NNT: variants seen among roughly 807,000 people sequenced by gnomAD.
NNT encodes the protein NAD(P) transhydrogenase, mitochondrial.
Under a neutral mutation model 104.8 loss-of-function variants are expected in NNT, and 50 were observed. The ratio of observed to expected loss-of-function variants is 0.48; its 90% CI spans 0.38 to 0.60. NNT has a LOEUF of 0.60. NNT is among the 20% of genes least tolerant of loss of function. NNT has a pLI of 0.00. For synonymous variants in NNT, 461 were observed against 490.4 expected, an observed-to-expected ratio of 0.94 and a Z score of 0.79; for missense variants, 1,131 against 1,330.7, an observed-to-expected ratio of 0.85 and a Z score of 2.33.
At chr5:43,607,894 G>T (rs1579964350) in intron 1 of NNT, among the ~76,000 whole-genome samples, 1 of 152,060 alleles carries the variant, frequency 6.6e-6, no homozygotes, top group African/African-American at 2.4e-5. Flanking sequence ...AGTGTTAGCT[G>T]AGTTTGGCTG....
At chr5:43,671,306 G>T (rs1418607278) in intron 17 of NNT, among the ~76,000 whole-genome samples, 2 of 152,174 alleles carry the variant, frequency 1.3e-5, no homozygotes, top group African/African-American at 4.8e-5. Flanking sequence ...ATTGTTATGT[G>T]TGAATTTGAT....
chr5:43,702,173 A>C (rs1464653574), intron 20 of NNT, among the ~76,000 whole-genome samples: 1 of 152,120 alleles, frequency 6.6e-6, no homozygotes, highest in Non-Finnish European at 1.5e-5. Context: ...CTTAGTCATA[A>C]ATTTTTCACA....
intron 5 of NNT, among the ~76,000 whole-genome samples, chr5:43,623,143 A>G (rs1476883253): frequency 1.1e-4 from 16 of 152,158 alleles, no homozygotes; most frequent in Admixed American, 1.0e-3. Flanking sequence ...GACACTGCCC[A>G]GAGCTCACTG....
chr5:43,678,452 T>G (rs1741534308), intron 19 of NNT, among the ~76,000 whole-genome samples: 1 of 152,220 alleles, frequency 6.6e-6, no homozygotes, highest in East Asian at 1.9e-4. Flanking sequence ...TCAAATATTA[T>G]CGACTCATTT....
chr5:43,689,241 A>C (rs1742139958), intron 19 of NNT, among the ~76,000 whole-genome samples: 1 of 151,990 alleles, frequency 6.6e-6, no homozygotes, highest in Admixed American at 6.6e-5. Context: ...CGTTTGTTTT[A>C]TTCTTGCTGA....
intron 19 of NNT, among the ~76,000 whole-genome samples, chr5:43,696,523 GC>G (rs1742567388): frequency 6.6e-6 from 1 of 152,158 alleles, no homozygotes; most frequent in Admixed American, 6.5e-5. Flanking sequence ...GAGGATGGTG[GC>G]CCTCTTCTCA....
chr5:43,696,453 C>T (rs1015579326), intron 19 of NNT, among the ~76,000 whole-genome samples: 2 of 152,176 alleles, frequency 1.3e-5, no homozygotes, highest in East Asian at 3.9e-4. Context: ...CATTGAGTTT[C>T]TGCAGATTTT....
chr5:43,672,285 G>T (rs1263301507), intron 17 of NNT, among the ~76,000 whole-genome samples: 1 of 152,192 alleles, frequency 6.6e-6, no homozygotes, highest in Non-Finnish European at 1.5e-5. Context: ...CTCTCAACTT[G>T]TCAAAGTCAT....
At chr5:43,629,052 T>C (rs1750530437) in intron 7 of NNT, among the ~76,000 whole-genome samples, 1 of 152,112 alleles carries the variant, frequency 6.6e-6, no homozygotes, top group Non-Finnish European at 1.5e-5. Flanking sequence ...TGGTGTTTGG[T>C]TGCATAGAAA....
chr5:43,653,240 A>G, intron 14 of NNT, 27 bp downstream of exon 14: 2 of 1,575,164 alleles, frequency 1.3e-6, no homozygotes, highest in Non-Finnish European at 1.7e-6. Context: ...TTCTGCCTTC[A>G]TGTGAACTCC....
At position 43,656,016 on chromosome 5, in the gene NNT, A is replaced by C; in HGVS notation, c.2236A>C (p.Thr746Pro). ...NLTKIVAYLG[T>P]YIGGVTFSGS... The stretch of plus-strand genomic sequence containing the variant: ...CACCAAGATTGTGGCCTACCTCGGC[A>C]CTTACATTGGTGGCGTCACCTTTAG... Residue 746 changes from threonine to proline, a missense_variant, in exon 15 of 22, where the codon ACT (threonine) becomes CCT (proline). By Grantham distance (38) the Thr-to-Pro change is conservative. Coordinates refer to ENST00000344920, the MANE Select transcript of NNT (RefSeq NM_182977.3). The C allele has an allele frequency of 6.2e-7, 1 of 1,614,242 alleles. No homozygotes were observed. The highest frequency in any genetic ancestry group is 1.3e-5 in the African/African-American group (1 of 75,082).
At chr5:43,609,385 A>G (rs986919899) in intron 2 of NNT, 39 bp downstream of exon 2, 1 of 1,603,382 alleles carries the variant, frequency 6.2e-7, no homozygotes. Context: ...GAAACCTTCA[A>G]GTCATAGGAA....
chr5:43,669,030 C>G (rs1740883224), intron 17 of NNT, among the ~76,000 whole-genome samples: 4 of 152,100 alleles, frequency 2.6e-5, no homozygotes, highest in Non-Finnish European at 5.9e-5. Context: ...GTATTTTATT[C>G]TCTTTGAAGC....
chr5:43,650,044 A>C (rs1333112553), intron 11 of NNT, among the ~76,000 whole-genome samples: 1 of 152,150 alleles, frequency 6.6e-6, no homozygotes, highest in Non-Finnish European at 1.5e-5. Flanking sequence ...GGAAAACCCA[A>C]AGCTAGGCAT....
At chr5:43,671,849 A>C (rs541172554) in intron 17 of NNT, among the ~76,000 whole-genome samples, 2 of 152,272 alleles carry the variant, frequency 1.3e-5, no homozygotes, top group South Asian at 4.1e-4. Context: ...AGGTTGGGGA[A>C]GTTCTCCCGG....
intron 19 of NNT, among the ~76,000 whole-genome samples, chr5:43,687,999 A>G (rs1313796105): frequency 6.6e-6 from 1 of 152,218 alleles, no homozygotes; most frequent in Non-Finnish European, 1.5e-5. Flanking sequence ...GAAATCCAAA[A>G]GTAATCACAA....
intron 20 of NNT, among the ~76,000 whole-genome samples, chr5:43,701,202 C>T (rs1028426860): frequency 1.1e-4 from 16 of 152,036 alleles, no homozygotes; most frequent in African/African-American, 3.4e-4. Context: ...GAGCATAGTA[C>T]CCCACAGTTT....
At chr5:43,624,652 G>A (rs1750271654) in intron 6 of NNT, among the ~76,000 whole-genome samples, 3 of 152,084 alleles carry the variant, frequency 2.0e-5, no homozygotes, top group Non-Finnish European at 4.4e-5. Context: ...GAAAGTACTT[G>A]GTTATGTATA....
chr5:43,653,205 G>A lies in NNT; in HGVS notation c.2051G>A (p.Gly684Asp). The change falls in exon 14 of 22, where the codon GGT (glycine) becomes GAT (aspartate). Residue 684 changes from glycine (G) to aspartate (D), a missense_variant. Coordinates refer to ENST00000344920, the MANE Select transcript of NNT (RefSeq NM_182977.3). ...AQMSGAMALG[G>D]TIGLTIAKRI... ...ATGTCTGGAGCGATGGCTTTGGGTG[G>A]TACCATTGGTAAGCACTTGTGGGCT... The A allele has an allele frequency of 6.2e-7, 1 of 1,612,598 alleles. No homozygotes were observed. Among genetic ancestry groups the A allele is most frequent in the Non-Finnish European group, 8.5e-7 (1 of 1,178,998 alleles).
Sources: allele counts gnomAD v4.1 joint callset (sites outside exome capture counted in the v4.1 genomes callset), GRCh38; gene constraint gnomAD v4.1.1; transcripts MANE v1.5; gene names NCBI Gene and HGNC (gene_info 2026-07-23, HGNC 2026-07-21).